Variants in ABCB10 observed in about 807,000 individuals in gnomAD.
The protein encoded by ABCB10 is ATP binding cassette subfamily B member 10.
A neutral mutation model predicts 65.4 loss-of-function variants in ABCB10; 54 were observed. The ratio of observed to expected loss-of-function variants is 0.83; its 90% confidence interval spans 0.66 to 1.04. The LOEUF (loss-of-function observed/expected upper bound fraction) is 1.04, where lower values mean the gene tolerates loss of function less well. Ranked by LOEUF, ABCB10 falls within the 50% of genes least tolerant of loss-of-function variation. ABCB10 has a pLI of 0.00. For synonymous variants in ABCB10, 418 were observed against 406.5 expected (o/e 1.03, Z -0.34); for missense variants, 846 against 976.6 (o/e 0.87, Z 1.78).
chr1:229,545,293 T>G (rs921349020), intron 3 of ABCB10, among the ~76,000 whole-genome samples: 3 of 152,204 alleles, frequency 2.0e-5, no homozygotes, highest in Non-Finnish European at 4.4e-5. Flanking sequence ...TGGAAAATCA[T>G]GAGATTTCAA....
At chr1:229,542,491 A>C (rs1288261791) in intron 3 of ABCB10, 120 bp from the exon 4 acceptor site, 1 of 1,236,238 alleles carries the variant, frequency 8.1e-7, no homozygotes, top group Non-Finnish European at 1.1e-6. Context: ...GTTTAAATTA[A>C]CAGCAGGCTT....
chr1:229,546,337 T>C (rs1410596071), intron 3 of ABCB10, among the ~76,000 whole-genome samples: 1 of 152,176 alleles, frequency 6.6e-6, no homozygotes, highest in Non-Finnish European at 1.5e-5. Flanking sequence ...TAATTGACTG[T>C]TAATGTTATC....
rs1448767878 is a variant in ABCB10, at chr1:229,516,685, G to A, written c.*1494C>T. ...AAACATAACAATGAAATGCAATTTCGTAAATACTTCTATGGCACAAGGATT... is the reference window on the plus strand; with the variant it reads ...AAACATAACAATGAAATGCAATTTCATAAATACTTCTATGGCACAAGGATT... On this transcript the variant is annotated 3_prime_UTR_variant, in exon 13 of 13. Transcript: ENST00000344517. The A allele has an allele frequency of 5.3e-5, 8 of 152,188 alleles. No homozygotes were observed. Among genetic ancestry groups the A allele is most frequent in the South Asian group, 2.1e-4 (1 of 4,828 alleles). The allele number at this position is 152,188 out of a possible 1,614,324, so 9.4% of individuals were successfully genotyped here. A position where few individuals can be genotyped will look rare whatever the true frequency, so the allele number is the denominator to read the frequency against.
At chr1:229,535,488 G>A (rs1662697967) in intron 6 of ABCB10, among the ~76,000 whole-genome samples, 1 of 152,122 alleles carries the variant, frequency 6.6e-6, no homozygotes, top group Non-Finnish European at 1.5e-5. Flanking sequence ...GCTACATACT[G>A]CAAGATTACA....
intron 1 of ABCB10, among the ~76,000 whole-genome samples, chr1:229,550,277 G>A (rs959605366): frequency 3.3e-5 from 5 of 152,082 alleles, no homozygotes; most frequent in Middle Eastern, 3.2e-3. Context: ...TGTAATCCCA[G>A]CACTTCAGGA....
Position 229,542,258 on chromosome 1 carries a change from A to C in ABCB10, c.1035T>G (p.Asp345Glu). 1 of 1,614,066 alleles carries C rather than the reference A, an allele frequency of 6.2e-7. No homozygotes were observed. The highest frequency in any genetic ancestry group is 8.5e-7 in the Non-Finnish European group (1 of 1,179,998). The change falls in exon 4 of 13, where the codon GAT (aspartate) becomes GAG (glutamate). Residue 345 changes from aspartate (D) to glutamate (E), a missense_variant. Physicochemically the swap from Asp to Glu is conservative, Grantham distance 45 (BLOSUM62 2). Transcript: ENST00000344517. ...TTACCTGAGTGGCTTGTGCCAGGGAATCCTGAGTGACTTTGGTCAGTTTCC... is the reference window on the plus strand; with the variant it reads ...TTACCTGAGTGGCTTGTGCCAGGGACTCCTGAGTGACTTTGGTCAGTTTCC... ...YLRKLTKVTQDSLAQATQLAE... is the reference protein window; with the variant it reads ...YLRKLTKVTQESLAQATQLAE...
At chr1:229,553,399 C>T (rs190462601) in intron 1 of ABCB10, among the ~76,000 whole-genome samples, 4 of 152,038 alleles carry the variant, frequency 2.6e-5, no homozygotes, top group East Asian at 3.9e-4. Context: ...CGTGAGCCAC[C>T]GCACCCAGCC....
chr1:229,521,723 G>A, intron 10 of ABCB10, 88 bp from the exon 11 acceptor site: 1 of 1,409,276 alleles, frequency 7.1e-7, no homozygotes, highest in East Asian at 2.3e-5. Flanking sequence ...CAATTTGAAG[G>A]CAAGCTTCTT....
chr1:229,527,624 C>T (rs1662477347), intron 8 of ABCB10, among the ~76,000 whole-genome samples: 1 of 152,174 alleles, frequency 6.6e-6, no homozygotes, highest in South Asian at 2.1e-4. Flanking sequence ...TAGGATTCCA[C>T]CGATAAGATG....
chr1:229,544,409 C>G (rs1277100098), intron 3 of ABCB10, among the ~76,000 whole-genome samples: 1 of 124,224 alleles, frequency 8.0e-6, no homozygotes, highest in Admixed American at 8.7e-5. Flanking sequence ...AGGGTGAGAC[C>G]TTCTCTCAAA....
chr1:229,524,820 T>C (rs541719538), intron 10 of ABCB10, among the ~76,000 whole-genome samples: 1 of 152,138 alleles, frequency 6.6e-6, no homozygotes, highest in Non-Finnish European at 1.5e-5. Context: ...CAAAGAAGGA[T>C]GTGTGACAGC....
Position 229,558,411 on chromosome 1 carries a change from C to A in ABCB10, c.242G>T (p.Arg81Leu). The change falls in exon 1 of 13, where the codon CGG becomes CTG. Residue 81 changes from arginine to leucine, a missense_variant. Arg to Leu is a moderately radical substitution (Grantham distance 102). Coordinates refer to ENST00000344517, the MANE Select transcript of ABCB10 (RefSeq NM_012089.3). ...GCRGGGPGAS[R>L]GVLGLARLLG... is the part of the protein sequence containing the mutation. The stretch of plus-strand genomic sequence containing the variant: ...GAGCCGCGCGAGGCCCAGGACGCCC[C>A]GCGAGGCGCCCGGACCCCCGCCCCG... 8.3e-7 allele frequency: 1 copy of A among 1,201,858 alleles called. No homozygotes were observed. The highest frequency in any genetic ancestry group is 1.0e-6 in the Non-Finnish European group (1 of 970,674). The allele number at this position is 1,201,858 out of a possible 1,614,324, so 74.4% of individuals were successfully genotyped here.
chr1:229,549,787 A>C, intron 1 of ABCB10: 3 of 256,528 alleles, frequency 1.2e-5, no homozygotes, highest in Non-Finnish European at 2.3e-5. Context: ...ATCAGATTGT[A>C]TTTTTCCTCC....
chr1:229,533,364 T>C (rs1044513928), intron 6 of ABCB10, among the ~76,000 whole-genome samples: 6 of 152,144 alleles, frequency 3.9e-5, no homozygotes, highest in Non-Finnish European at 8.8e-5. Context: ...CCTCAAGTGA[T>C]GTACCCACCT....
chr1:229,530,629 C>T (rs1662562335), intron 7 of ABCB10, among the ~76,000 whole-genome samples: 1 of 152,160 alleles, frequency 6.6e-6, no homozygotes, highest in Admixed American at 6.5e-5. Context: ...CGTAGACGGT[C>T]TTACTTGATC....
At chr1:229,521,672 C>G in intron 10 of ABCB10, 37 bp from the exon 11 acceptor site, 1 of 1,607,156 alleles carries the variant, frequency 6.2e-7, no homozygotes, top group Non-Finnish European at 8.5e-7. Flanking sequence ...AAGGCCTCAA[C>G]AAAAAATCTT....
intron 4 of ABCB10, 57 bp from the exon 5 acceptor site, chr1:229,540,809 A>G: frequency 6.6e-7 from 1 of 1,515,814 alleles, no homozygotes; most frequent in East Asian, 2.4e-5. Context: ...AAGAGCTTCT[A>G]AGAAGGAAAA....
At chr1:229,542,153 G>T in intron 4 of ABCB10, 84 bp downstream of exon 4, 1 of 1,501,096 alleles carries the variant, frequency 6.7e-7, no homozygotes, top group Non-Finnish European at 8.9e-7. Flanking sequence ...AAAAACCTAA[G>T]TACATCCCTT....
At chr1:229,536,551 G>C (rs140653544) in intron 6 of ABCB10, among the ~76,000 whole-genome samples, 1 of 152,244 alleles carries the variant, frequency 6.6e-6, no homozygotes, top group East Asian at 1.9e-4. Flanking sequence ...AGAGTCAAAA[G>C]TAGTTTAACA....
Sources: gnomAD v4.1 joint callset for allele counts (sites outside exome capture counted in the v4.1 genomes callset) on GRCh38, gnomAD v4.1.1 for gene constraint, MANE v1.5 for transcripts, NCBI Gene and HGNC (gene_info 2026-07-23, HGNC 2026-07-21) for gene names.